NRG3: variants seen among roughly 807,000 people sequenced by gnomAD.
NRG3 encodes the protein neuregulin 3, also known as pro-neuregulin-3, membrane-bound isoform.
NRG3 carries 31 observed loss-of-function variants against 66.9 expected under a neutral mutation model. That is an observed-to-expected ratio of 0.46 (90% CI 0.35 to 0.63). The LOEUF (loss-of-function observed/expected upper bound fraction) is 0.63. Ranked by LOEUF, NRG3 falls within the 20% of genes least tolerant of loss-of-function variation. The pLI, the probability that NRG3 is intolerant of heterozygous loss-of-function variation, is 0.00. For synonymous variants in NRG3, 393 were observed against 359.4 expected (o/e 1.09, Z -1.06); for missense variants, 910 against 878.9 (o/e 1.04, Z -0.45).
At chr10:82,248,584 T>G (rs1478123911) in intron 1 of NRG3, among the ~76,000 whole-genome samples, 1 of 152,176 alleles carries the variant, frequency 6.6e-6, no homozygotes, top group Non-Finnish European at 1.5e-5. Context: ...TATCTATTTT[T>G]TGGATGAATG....
At chr10:82,929,897 AG>A (rs1847393270) in intron 4 of NRG3, among the ~76,000 whole-genome samples, 1 of 151,816 alleles carries the variant, frequency 6.6e-6, no homozygotes, top group Non-Finnish European at 1.5e-5. Flanking sequence ...AAAAGGAAAA[AG>A]AAAAAAAATG....
chr10:82,828,887 G>A (rs2062377373), intron 3 of NRG3, among the ~76,000 whole-genome samples: 1 of 152,150 alleles, frequency 6.6e-6, no homozygotes, highest in Admixed American at 6.6e-5. Context: ...CATCTGATGG[G>A]AAGTAAAAGG....
intron 1 of NRG3, among the ~76,000 whole-genome samples, chr10:82,020,300 A>G (rs554313140): frequency 6.6e-6 from 1 of 152,272 alleles, no homozygotes; most frequent in Non-Finnish European, 1.5e-5. Flanking sequence ...TCTCCTTTCC[A>G]TAAACTGCCT....
At chr10:82,151,531 G>C (rs1352427571) in intron 1 of NRG3, among the ~76,000 whole-genome samples, 1 of 152,074 alleles carries the variant, frequency 6.6e-6, no homozygotes, top group Non-Finnish European at 1.5e-5. Flanking sequence ...TCCTTCTCTT[G>C]TCTCCATTAT....
intron 1 of NRG3, among the ~76,000 whole-genome samples, chr10:82,022,920 A>G (rs1297598606): frequency 2.7e-5 from 4 of 150,802 alleles, no homozygotes; most frequent in African/African-American, 4.9e-5. Flanking sequence ...TTGATTTATT[A>G]TATATAAAAA....
chr10:82,569,973 T>G (rs920421801), intron 2 of NRG3, among the ~76,000 whole-genome samples: 3 of 151,612 alleles, frequency 2.0e-5, no homozygotes, highest in Non-Finnish European at 4.4e-5. Flanking sequence ...GCACAACCAC[T>G]TTCTTAGTTT....
chr10:82,709,375 T>TTTTG (rs553568909), intron 2 of NRG3, among the ~76,000 whole-genome samples: 69 of 148,428 alleles, frequency 4.6e-4, no homozygotes, highest in Admixed American at 2.6e-3. Context: ...TGTTTTTGTT[T>TTTTG]TTTGTTTGTT....
intron 2 of NRG3, among the ~76,000 whole-genome samples, chr10:82,426,816 ATTTTC>A (rs1406830848): frequency 6.6e-6 from 1 of 151,368 alleles, no homozygotes; most frequent in African/African-American, 2.4e-5. Flanking sequence ...GTAATTTTTA[ATTTTC>A]TTTTCTTTTG....
chr10:81,983,341 G>A (rs533192368), intron 1 of NRG3, among the ~76,000 whole-genome samples: 5 of 152,260 alleles, frequency 3.3e-5, no homozygotes, highest in South Asian at 2.1e-4. Context: ...ATGGCCTTAC[G>A]CAATGGTGTT....
At chr10:82,759,763 T>C (rs1164942747) in intron 3 of NRG3, among the ~76,000 whole-genome samples, 1 of 152,010 alleles carries the variant, frequency 6.6e-6, no homozygotes, top group Non-Finnish European at 1.5e-5. Context: ...TTAACCAGGG[T>C]TCCTAGCTTT....
chr10:82,061,412 T>G (rs1349197456), intron 1 of NRG3, among the ~76,000 whole-genome samples: 1 of 152,074 alleles, frequency 6.6e-6, no homozygotes, highest in Non-Finnish European at 1.5e-5. Flanking sequence ...TGACCCCCAT[T>G]TACTCCTTGG....
At chr10:82,700,462 GA>G (rs918114310) in intron 2 of NRG3, among the ~76,000 whole-genome samples, 1 of 152,102 alleles carries the variant, frequency 6.6e-6, no homozygotes, top group Non-Finnish European at 1.5e-5. Context: ...TTTATTTTAA[GA>G]ATAAAGAATT....
chr10:82,015,748 G>C (rs1013814881), intron 1 of NRG3, among the ~76,000 whole-genome samples: 1 of 151,590 alleles, frequency 6.6e-6, no homozygotes, highest in African/African-American at 2.4e-5. Context: ...TAATACATCT[G>C]TCTTCACTAT....
chr10:82,789,953 T>A (rs531016439), intron 3 of NRG3, among the ~76,000 whole-genome samples: 1 of 152,258 alleles, frequency 6.6e-6, no homozygotes, highest in South Asian at 2.1e-4. Flanking sequence ...CTAGGATTGA[T>A]AACAACTTAG....
intron 1 of NRG3, among the ~76,000 whole-genome samples, chr10:81,900,497 C>G (rs1843963153): frequency 6.6e-6 from 1 of 152,208 alleles, no homozygotes; most frequent in South Asian, 2.1e-4. Context: ...TATCCAGTGT[C>G]ATGTCCTGAG....
chr10:82,006,863 G>T (rs1489913885), intron 1 of NRG3, among the ~76,000 whole-genome samples: 1 of 152,116 alleles, frequency 6.6e-6, no homozygotes, highest in Non-Finnish European at 1.5e-5. Flanking sequence ...TATCAATTAA[G>T]CTAAGTTCTC....
At chr10:82,319,442 A>G (rs1397875297) in intron 1 of NRG3, among the ~76,000 whole-genome samples, 1 of 152,242 alleles carries the variant, frequency 6.6e-6, no homozygotes, top group Non-Finnish European at 1.5e-5. Flanking sequence ...GCAAATTGGT[A>G]CCTAGAGGCA....
At chr10:82,954,724 A>G (rs1849868444) in intron 5 of NRG3, among the ~76,000 whole-genome samples, 1 of 151,360 alleles carries the variant, frequency 6.6e-6, no homozygotes, top group Non-Finnish European at 1.5e-5. Flanking sequence ...TGCTTGAGAG[A>G]AATGCCACCA....
chr10:82,650,247 A>G (rs2051304229), intron 2 of NRG3, among the ~76,000 whole-genome samples: 1 of 152,132 alleles, frequency 6.6e-6, no homozygotes. Context: ...TAATATTAAT[A>G]TTTTGTAATT....
Sources: gnomAD v4.1 joint callset for allele counts (sites outside exome capture counted in the v4.1 genomes callset) on GRCh38, gnomAD v4.1.1 for gene constraint, MANE v1.5 for transcripts, NCBI Gene and HGNC (gene_info 2026-07-23, HGNC 2026-07-21) for gene names.